Variants in MARK4 observed in about 807,000 individuals in gnomAD.
The protein encoded by MARK4 is MAP/microtubule affinity-regulating kinase 4.
In MARK4, 19 loss-of-function variants were observed where a neutral mutation model predicts 81.5. That is an observed-to-expected ratio of 0.23 (90% CI 0.16 to 0.34). The LOEUF (loss-of-function observed/expected upper bound fraction) is 0.34, where lower values mean the gene tolerates loss of function less well. MARK4 is among the 10% of genes least tolerant of loss of function. The pLI, the probability that MARK4 is intolerant of heterozygous loss-of-function variation, is 1.00. For missense variants in MARK4, 772 were observed against 1,058.8 expected (o/e 0.73, Z 3.76); for synonymous variants, 436 against 439.0 (o/e 0.99, Z 0.08).
intron 13 of MARK4, among the ~76,000 whole-genome samples, chr19:45,289,895 G>C (rs1423910644): frequency 6.6e-6 from 1 of 152,126 alleles, no homozygotes; most frequent in East Asian, 1.9e-4. Context: ...TCAGGAGTTC[G>C]AGACCAACCT....
chr19:45,259,610 T>TA (rs1447118436), intron 2 of MARK4, among the ~76,000 whole-genome samples: 2 of 151,236 alleles, frequency 1.3e-5, no homozygotes, highest in African/African-American at 4.9e-5. Flanking sequence ...AAAAAATAAG[T>TA]AAAATTTTTT....
rs764159321 is a variant in MARK4, at chr19:45,287,581, C to G, written c.1411C>G (p.Pro471Ala). The G allele has an allele frequency of 6.3e-7, 1 of 1,596,696 alleles. No individual in the cohort carries two copies. Among genetic ancestry groups the G allele is most frequent in the African/African-American group, 1.3e-5 (1 of 74,558 alleles). ...TAGSGSRGLP[P>A]SSPMVSSAHN... is the part of the protein sequence containing the mutation. ...GGGGAGTGGGAGTCGAGGGCTGCCCCCCTCCAGCCCCATGGTCAGCAGCGC... is the reference window on the plus strand; with the variant it reads ...GGGGAGTGGGAGTCGAGGGCTGCCCGCCTCCAGCCCCATGGTCAGCAGCGC... The change falls in exon 13 of 17, where the codon CCC (proline) becomes GCC (alanine). Residue 471 changes from proline (P) to alanine (A), a missense_variant. Around this residue, in one of 3 missense-constraint regions of MARK4, gnomAD observed 548 missense variants for 624.3 expected, o/e 0.88. Coordinates refer to ENST00000262891, the MANE Select transcript of MARK4 (RefSeq NM_001199867.2).
intron 12 of MARK4, 108 bp from the exon 13 acceptor site, chr19:45,287,339 C>A (rs1970756241): frequency 2.8e-6 from 2 of 705,204 alleles, no homozygotes; most frequent in Non-Finnish European, 4.4e-6. Flanking sequence ...GAATGGCCCA[C>A]ACAGAGATTG....
At chr19:45,262,470 T>G (rs908336864) in intron 2 of MARK4, among the ~76,000 whole-genome samples, 1 of 152,174 alleles carries the variant, frequency 6.6e-6, no homozygotes, top group African/African-American at 2.4e-5. Flanking sequence ...AGTGAGGGCT[T>G]AGTGCATGTT....
chr19:45,251,645 T>C lies in MARK4; in HGVS notation c.51+6T>C. On this transcript the variant is annotated splice_donor_region_variant and intron_variant, in intron 1 of 16. Coordinates refer to ENST00000262891, the MANE Select transcript of MARK4 (RefSeq NM_001199867.2). Reference sequence around the variant, plus strand: ...ACGATCGGAACTCGGACACGGTGAGTGGGGCCCGGCCCCTTGGGGAGCCCT... The same window carrying C: ...ACGATCGGAACTCGGACACGGTGAGCGGGGCCCGGCCCCTTGGGGAGCCCT... 1 of 1,442,672 alleles carries C rather than the reference T, an allele frequency of 6.9e-7. No homozygotes were observed. Among genetic ancestry groups the C allele is most frequent in the Non-Finnish European group, 9.2e-7 (1 of 1,092,860 alleles). The allele number at this position is 1,442,672 out of a possible 1,614,324, so 89.4% of individuals were successfully genotyped here. A position where few individuals can be genotyped will look rare whatever the true frequency, so the allele number is the denominator to read the frequency against.
intron 4 of MARK4, 81 bp downstream of exon 4, chr19:45,263,448 T>C: frequency 6.3e-7 from 1 of 1,578,022 alleles, no homozygotes; most frequent in Non-Finnish European, 8.7e-7. Flanking sequence ...GTGGTTAGAA[T>C]AGTTGGAGAC....
chr19:45,260,856 C>T (rs988234355), intron 2 of MARK4, among the ~76,000 whole-genome samples: 4 of 152,178 alleles, frequency 2.6e-5, no homozygotes, highest in Admixed American at 1.3e-4. Flanking sequence ...CTCAGTTACA[C>T]ACAGCCTCAC....
chr19:45,280,642 A>T lies in MARK4; in HGVS notation c.1184A>T (p.Asn395Ile), dbSNP rs1306626778. The T allele has an allele frequency of 6.2e-7, 1 of 1,614,078 alleles. No individual in the cohort carries two copies. Among genetic ancestry groups the T allele is most frequent in the Non-Finnish European group, 8.5e-7 (1 of 1,180,032 alleles). ...ARVRAPSDTT[N>I]GTSSSKGTSH... ...GTGCGGGCGCCCAGCGACACCACCA[A>T]CGGAACAAGTTCCAGCAAAGGCACC... Residue 395 changes from asparagine (N) to isoleucine (I), a missense_variant, in exon 12 of 17, where the codon AAC becomes ATC. By Grantham distance (149) the Asn-to-Ile change is moderately radical (BLOSUM62 -3). Transcript: ENST00000262891.
chr19:45,300,466 C>T (rs1407458502), intron 16 of MARK4, among the ~76,000 whole-genome samples: 1 of 151,138 alleles, frequency 6.6e-6, no homozygotes, highest in Non-Finnish European at 1.5e-5. Flanking sequence ...GCTGGCAGCT[C>T]AGGGCCAGCA....
intron 13 of MARK4, among the ~76,000 whole-genome samples, chr19:45,291,325 A>G (rs1289827512): frequency 2.0e-5 from 3 of 152,226 alleles, no homozygotes; most frequent in African/African-American, 7.2e-5. Flanking sequence ...GCTCCTTCTG[A>G]GGCTGCCCCA....
Position 45,302,927 on chromosome 19 carries a change from G to A in MARK4, c.*217G>A. On this transcript the variant is annotated 3_prime_UTR_variant, in exon 17 of 17. Coordinates refer to ENST00000262891, the MANE Select transcript of MARK4 (RefSeq NM_001199867.2). This position sits in a 1 kb window ranked among gnomAD's most constrained non-coding sequence, Gnocchi z 4.9. ...AGCGGGGGGAGCTGGCACCTTCCTG[G>A]AGCCTCCAGCCAGTCCTGTCCTCCC... The A allele has an allele frequency of 1.4e-6, 1 of 737,794 alleles. No individual in the cohort carries two copies. The highest frequency in any genetic ancestry group is 2.1e-6 in the Non-Finnish European group (1 of 468,456). The allele number at this position is 737,794 out of a possible 1,614,324, so 45.7% of individuals were successfully genotyped here. A position where few individuals can be genotyped will look rare whatever the true frequency, so the allele number is the denominator to read the frequency against.
intron 12 of MARK4, among the ~76,000 whole-genome samples, chr19:45,284,856 C>T (rs962301664): frequency 2.0e-5 from 3 of 151,954 alleles, no homozygotes; most frequent in South Asian, 4.1e-4. Flanking sequence ...TTTGGGAGGC[C>T]GAGCTGGGTG....
intron 1 of MARK4, among the ~76,000 whole-genome samples, chr19:45,251,958 C>T (rs753511272): frequency 6.6e-5 from 10 of 151,664 alleles, no homozygotes; most frequent in Non-Finnish European, 1.3e-4. Flanking sequence ...TGTGCTAAGC[C>T]GTTTCCCCTC....
intron 8 of MARK4, among the ~76,000 whole-genome samples, chr19:45,274,667 C>G (rs763319584): frequency 1.3e-5 from 2 of 152,072 alleles, no homozygotes; most frequent in African/African-American, 4.8e-5. Flanking sequence ...AAAACAGGCT[C>G]TGACACTCCG....
chr19:45,268,190 C>T (rs978615353), intron 7 of MARK4, among the ~76,000 whole-genome samples: 3 of 152,124 alleles, frequency 2.0e-5, no homozygotes, highest in Non-Finnish European at 4.4e-5. Context: ...CCTATAATCC[C>T]AGCACTTTGG....
In MARK4 at chr19:45,259,076, G is replaced by T. The variant is rs758021513; in HGVS notation, c.139G>T (p.Ala47Ser). ...GGGTGCCCGTTGCCGGAACTCCATC[G>T]CCTCCTGTCCCGAGGAGCAGCCCCA... ...SLGARCRNSI[A>S]SCPEEQPHVG... is the part of the protein sequence containing the mutation. The change falls in exon 2 of 17, where the codon GCC becomes TCC. Residue 47 changes from alanine (A) to serine (S), a missense_variant. Ala to Ser is a moderately conservative substitution (Grantham distance 99). Around this residue, in one of 3 missense-constraint regions of MARK4, gnomAD observed 115 missense variants for 139.8 expected, o/e 0.82. Transcript: ENST00000262891. 2 of 1,614,086 alleles carry T rather than the reference G, an allele frequency of 1.2e-6. No homozygotes were observed. The highest frequency in any genetic ancestry group is 1.7e-5 in the Admixed American group (1 of 60,010).
chr19:45,301,252 C>G (rs1164121851), intron 16 of MARK4, among the ~76,000 whole-genome samples: 1 of 152,024 alleles, frequency 6.6e-6, no homozygotes, highest in Non-Finnish European at 1.5e-5. Context: ...TACTGCATTG[C>G]AAGACCCTGT....
At chr19:45,275,632 G>A (rs1568495882) in intron 8 of MARK4, among the ~76,000 whole-genome samples, 3 of 152,208 alleles carry the variant, frequency 2.0e-5, no homozygotes, top group Non-Finnish European at 4.4e-5. Context: ...CCCATCACGT[G>A]ATAGGCAGTG....
At chr19:45,255,203 A>G (rs1467276658) in intron 1 of MARK4, among the ~76,000 whole-genome samples, 1 of 138,838 alleles carries the variant, frequency 7.2e-6, no homozygotes, top group Non-Finnish European at 1.6e-5. Flanking sequence ...GCCCTGTCTC[A>G]AAAAAAAAAA....
Sources: gnomAD v4.1 joint callset for allele counts (sites outside exome capture counted in the v4.1 genomes callset) on GRCh38, gnomAD v4.1.1 for gene constraint, gnomAD v4.1.1 regional missense constraint, Gnocchi (gnomAD v3.1) non-coding constraint, MANE v1.5 for transcripts, NCBI Gene and HGNC (gene_info 2026-07-23, HGNC 2026-07-21) for gene names.